SCEL: variants seen among roughly 807,000 people sequenced by gnomAD.
The protein encoded by SCEL is sciellin.
SCEL carries 113 observed loss-of-function variants against 117.6 expected under a neutral mutation model. That is an observed-to-expected ratio of 0.96 (90% confidence interval 0.83 to 1.12). SCEL has a LOEUF of 1.12. SCEL is among the 50% of genes most tolerant of loss of function. The probability of loss-of-function intolerance (pLI) is 0.00; values close to 1 mark genes in which losing one functional copy is unlikely to be tolerated. For synonymous variants in SCEL, 270 were observed against 256.2 expected (o/e 1.05, Z -0.51); for missense variants, 785 against 810.8 (o/e 0.97, Z 0.39).
At chr13:77,567,292 A>G (rs2085343133) in intron 5 of SCEL, among the ~76,000 whole-genome samples, 2 of 152,046 alleles carry the variant, frequency 1.3e-5, no homozygotes, top group Admixed American at 6.6e-5. Context: ...CTTCTCTACT[A>G]AAAATACAAC....
intron 27 of SCEL, among the ~76,000 whole-genome samples, chr13:77,622,800 T>G (rs1177701565): frequency 6.6e-6 from 1 of 152,164 alleles, no homozygotes; most frequent in African/African-American, 2.4e-5. Flanking sequence ...AGTTCGAGAC[T>G]GCAGTGAGCT....
intron 1 of SCEL, among the ~76,000 whole-genome samples, chr13:77,553,212 GA>G (rs2084446624): frequency 6.6e-6 from 1 of 152,190 alleles, no homozygotes; most frequent in Non-Finnish European, 1.5e-5. Context: ...GCTGGGAATA[GA>G]AAGAAAAGAT....
At chr13:77,593,429 T>C in intron 11 of SCEL, 85 bp from the exon 12 acceptor site, 1 of 985,354 alleles carries the variant, frequency 1.0e-6, no homozygotes, top group Non-Finnish European at 1.6e-6. Flanking sequence ...ATTTACTTTA[T>C]TTACTGAAAA....
intron 5 of SCEL, among the ~76,000 whole-genome samples, chr13:77,564,541 T>G (rs1214915175): frequency 6.6e-6 from 1 of 152,138 alleles, no homozygotes; most frequent in Non-Finnish European, 1.5e-5. Context: ...AATCAAATTT[T>G]TAGTTTAGAT....
At chr13:77,613,164 A>T (rs1017015582) in intron 23 of SCEL, among the ~76,000 whole-genome samples, 1 of 152,100 alleles carries the variant, frequency 6.6e-6, no homozygotes, top group South Asian at 2.1e-4. Context: ...ATTCTGTGTA[A>T]TTACTACTTT....
intron 8 of SCEL, among the ~76,000 whole-genome samples, chr13:77,570,389 C>A (rs867892803): frequency 9.2e-5 from 14 of 152,306 alleles, no homozygotes; most frequent in Middle Eastern, 6.8e-3. Flanking sequence ...TCAGTCAGTT[C>A]CATCTCCTAT....
At chr13:77,546,514 G>A (rs1307621682) in intron 1 of SCEL, among the ~76,000 whole-genome samples, 1 of 151,944 alleles carries the variant, frequency 6.6e-6, no homozygotes, top group East Asian at 1.9e-4. Flanking sequence ...TACTTGGTAG[G>A]GGCTTAACAA....
chr13:77,633,272 T>TA (rs1346565545), intron 28 of SCEL, among the ~76,000 whole-genome samples: 1 of 147,046 alleles, frequency 6.8e-6, no homozygotes. Context: ...CCGTCTCTAC[T>TA]AAAAATACAA....
chr13:77,626,091 A>G (rs2089716814), intron 27 of SCEL, among the ~76,000 whole-genome samples: 1 of 152,220 alleles, frequency 6.6e-6, no homozygotes, highest in South Asian at 2.1e-4. Context: ...AAGAGGTTTA[A>G]TGGACTCACA....
chr13:77,538,044 A>G (rs1009847941), intron 1 of SCEL, among the ~76,000 whole-genome samples: 1 of 151,734 alleles, frequency 6.6e-6, no homozygotes, highest in Non-Finnish European at 1.5e-5. Flanking sequence ...GTACTTTGAA[A>G]TAAAGATTTT....
At chr13:77,608,998 A>G in intron 20 of SCEL, 60 bp from the exon 21 acceptor site, 1 of 1,335,020 alleles carries the variant, frequency 7.5e-7, no homozygotes, top group Non-Finnish European at 1.0e-6. Flanking sequence ...TTTAAATCAA[A>G]ACAGTCAATT....
At chr13:77,610,250 A>G (rs2088549760) in intron 22 of SCEL, 144 bp downstream of exon 22, 1 of 467,610 alleles carries the variant, frequency 2.1e-6, no homozygotes, top group Non-Finnish European at 3.8e-6. Context: ...CAGGAGATGG[A>G]GACCATCCTG....
At chr13:77,571,802 G>A (rs1410592106) in intron 8 of SCEL, among the ~76,000 whole-genome samples, 1 of 151,726 alleles carries the variant, frequency 6.6e-6, no homozygotes, top group Non-Finnish European at 1.5e-5. Flanking sequence ...GAGAATAGGA[G>A]AATAACATAA....
At chr13:77,546,208 C>T (rs2083981395) in intron 1 of SCEL, among the ~76,000 whole-genome samples, 2 of 152,218 alleles carry the variant, frequency 1.3e-5, no homozygotes, top group Admixed American at 1.3e-4. Flanking sequence ...TGCTGCTCCT[C>T]TCACCTGCTC....
chr13:77,566,940 G>A, intron 5 of SCEL, among the ~76,000 whole-genome samples: 1 of 152,046 alleles, frequency 6.6e-6, no homozygotes, highest in East Asian at 1.9e-4. Flanking sequence ...GGAAAATGTG[G>A]TCTCCCTGAT....
At chr13:77,605,967 G>A (rs937733141) in intron 19 of SCEL, among the ~76,000 whole-genome samples, 1 of 152,148 alleles carries the variant, frequency 6.6e-6, no homozygotes, top group Non-Finnish European at 1.5e-5. Flanking sequence ...CAGCCTGGGC[G>A]ACAGAGTGAG....
intron 24 of SCEL, among the ~76,000 whole-genome samples, chr13:77,616,851 C>T (rs2089090736): frequency 6.6e-6 from 1 of 151,068 alleles, no homozygotes; most frequent in Non-Finnish European, 1.5e-5. Flanking sequence ...GTACTGGAAG[C>T]AGGTTTTGTC....
intron 4 of SCEL, among the ~76,000 whole-genome samples, chr13:77,562,814 C>T (rs191754024): frequency 7.2e-4 from 110 of 152,288 alleles, no homozygotes; most frequent in African/African-American, 2.6e-3. Flanking sequence ...ATATTGAGTA[C>T]ATCCAAATAG....
intron 16 of SCEL, 130 bp downstream of exon 16, chr13:77,602,254 G>A (rs1716373871): frequency 1.5e-6 from 1 of 652,718 alleles, no homozygotes; most frequent in South Asian, 2.4e-5. Flanking sequence ...ATCAGACCTA[G>A]TAGGCAAAAG....
Sources: allele counts gnomAD v4.1 joint callset (sites outside exome capture counted in the v4.1 genomes callset), GRCh38; gene constraint gnomAD v4.1.1; transcripts MANE v1.5; gene names NCBI Gene and HGNC (gene_info 2026-07-23, HGNC 2026-07-21).